Variants in CLYBL observed in about 807,000 individuals in gnomAD.
CLYBL encodes citramalyl-CoA lyase, mitochondrial.
CLYBL carries 31 observed loss-of-function variants against 38.9 expected under a neutral mutation model. The ratio of observed to expected loss-of-function variants is 0.80; its 90% CI spans 0.60 to 1.08. CLYBL has a LOEUF of 1.08. Ranked by LOEUF, CLYBL falls within the 50% of genes least tolerant of loss-of-function variation. The probability of loss-of-function intolerance (pLI) is 0.00; values close to 1 mark genes in which losing one functional copy is unlikely to be tolerated. For synonymous variants in CLYBL, 171 were observed against 158.6 expected (o/e 1.08, Z -0.59); for missense variants, 434 against 411.6 (o/e 1.05, Z -0.47).
intron 2 of CLYBL, among the ~76,000 whole-genome samples, chr13:99,838,102 A>T (rs1002090916): frequency 2.6e-5 from 4 of 152,188 alleles, no homozygotes; most frequent in African/African-American, 9.7e-5. Flanking sequence ...AAGTAATTAT[A>T]TATTAGATGT....
chr13:99,880,068 A>ATATATATTTT (rs34063235), intron 7 of CLYBL, among the ~76,000 whole-genome samples: 9 of 101,210 alleles, frequency 8.9e-5, no homozygotes, highest in East Asian at 2.7e-4. Context: ...ATATATATAT[A>ATATATATTTT]TTTTTTTTTT....
At chr13:99,863,182 TG>T in intron 4 of CLYBL, 90 bp downstream of exon 4, 2 of 634,950 alleles carry the variant, frequency 3.1e-6, no homozygotes, top group Non-Finnish European at 5.2e-6. Flanking sequence ...CTTCTTAAAA[TG>T]TGTTTCTAGA....
intron 1 of CLYBL, 29 bp downstream of exon 1, chr13:99,606,786 C>G: frequency 7.3e-7 from 1 of 1,372,540 alleles, no homozygotes; most frequent in Non-Finnish European, 9.4e-7. Context: ...TCCCCGCCTT[C>G]CCGGCCCGGC....
intron 2 of CLYBL, among the ~76,000 whole-genome samples, chr13:99,848,820 T>A (rs1032303331): frequency 3.9e-5 from 6 of 152,206 alleles, no homozygotes; most frequent in Non-Finnish European, 8.8e-5. Context: ...CACAGACAAA[T>A]CTGAGCATGG....
intron 1 of CLYBL, among the ~76,000 whole-genome samples, chr13:99,741,640 C>T (rs1040334652): frequency 3.3e-5 from 5 of 152,188 alleles, no homozygotes; most frequent in Non-Finnish European, 2.9e-5. Flanking sequence ...CACTCTAGTC[C>T]GCGTTCAAGT....
chr13:99,719,176 G>T (rs2048360241), intron 1 of CLYBL, among the ~76,000 whole-genome samples: 1 of 142,246 alleles, frequency 7.0e-6, no homozygotes, highest in Non-Finnish European at 1.5e-5. Context: ...TTTTAAGACA[G>T]GGTCTCTCTC....
chr13:99,717,093 C>G (rs1050328753), intron 1 of CLYBL, among the ~76,000 whole-genome samples: 3 of 151,932 alleles, frequency 2.0e-5, no homozygotes, highest in African/African-American at 7.2e-5. Flanking sequence ...GCCCAGCCCC[C>G]CTCTTTAATT....
chr13:99,660,176 C>A (rs1305959106), intron 1 of CLYBL, among the ~76,000 whole-genome samples: 3 of 152,226 alleles, frequency 2.0e-5, no homozygotes, highest in Middle Eastern at 6.8e-3. Context: ...CATCTGAGAA[C>A]AAATTTATGA....
At position 99,849,183 on chromosome 13, in the gene CLYBL, T is replaced by C. The variant is rs965655597; in HGVS notation, c.250-9678T>C. On this transcript the variant is annotated intron_variant, in intron 2 of 8. Transcript: ENST00000339105. The surrounding 1 kb of genome is among the most constrained non-coding windows in gnomAD (Gnocchi z 4.9). The stretch of plus-strand genomic sequence containing the variant: ...AAAAACACTATTGAGAAAGACAGTG[T>C]AAGCTTGTGGTACGTAAATACTCTG... 1.3e-5 allele frequency among the ~76,000 whole-genome samples: 2 copies of C among 151,574 alleles called. No individual in the cohort carries two copies. Among genetic ancestry groups the C allele is most frequent in the African/African-American group, 4.9e-5 (2 of 41,174 alleles).
At chr13:99,689,608 A>G (rs2047870165) in intron 1 of CLYBL, among the ~76,000 whole-genome samples, 1 of 152,228 alleles carries the variant, frequency 6.6e-6, no homozygotes, top group Non-Finnish European at 1.5e-5. Flanking sequence ...ACTGTATTCA[A>G]TTGTTTCAAC....
intron 1 of CLYBL, among the ~76,000 whole-genome samples, chr13:99,715,664 C>G (rs533280437): frequency 6.6e-6 from 1 of 152,186 alleles, no homozygotes; most frequent in Non-Finnish European, 1.5e-5. Context: ...CCGGCCTGTA[C>G]GGATTTTCAA....
At chr13:99,631,847 C>T (rs375651398) in intron 1 of CLYBL, among the ~76,000 whole-genome samples, 5 of 152,238 alleles carry the variant, frequency 3.3e-5, no homozygotes, top group Admixed American at 6.5e-5. Flanking sequence ...GTGATCCACC[C>T]GCCTCAGCCT....
intron 1 of CLYBL, among the ~76,000 whole-genome samples, chr13:99,621,640 G>A (rs541298214): frequency 6.6e-6 from 1 of 152,152 alleles, no homozygotes; most frequent in Non-Finnish European, 1.5e-5. Flanking sequence ...CGCAAACATG[G>A]TGGTTTAAAT....
chr13:99,768,494 CTTTTTTTTTTTTTTTTTTT>C (rs779750350), intron 1 of CLYBL, among the ~76,000 whole-genome samples: 3 of 84,892 alleles, frequency 3.5e-5, no homozygotes, highest in East Asian at 6.5e-4. Context: ...CGCCCGACCT[CTTTTTTTTTTTTTTTTTTT>C]TTTTTTTTTT....
chr13:99,845,415 C>T (rs1162268469), intron 2 of CLYBL, among the ~76,000 whole-genome samples: 2 of 151,984 alleles, frequency 1.3e-5, no homozygotes, highest in African/African-American at 2.4e-5. Context: ...ATTCACCGGG[C>T]GCAAAAAGAG....
chr13:99,857,012 C>G (rs2051474604), intron 2 of CLYBL, among the ~76,000 whole-genome samples: 1 of 151,788 alleles, frequency 6.6e-6, no homozygotes, highest in Non-Finnish European at 1.5e-5. Flanking sequence ...TGCTCTTCAC[C>G]TTTAAGATTT....
rs527633294 is a variant in CLYBL at position 99,805,367 on chromosome 13, A to G, written c.249+32357A>G. Among the ~76,000 whole-genome samples the G allele has an allele frequency of 6.2e-4, 94 of 152,250 alleles. No homozygotes were observed. In the South Asian group the frequency reaches 0.018, roughly 30 times the overall value. On this transcript the variant is annotated intron_variant, in intron 2 of 8. Coordinates refer to ENST00000339105, the MANE Select transcript of CLYBL (RefSeq NM_206808.5). ...TTAATAGCATATACTTTAAAAACCT[A>G]TATGTTAACCAAGGAGAAGAAAACA...
intron 4 of CLYBL, among the ~76,000 whole-genome samples, chr13:99,864,189 G>A (rs1241483608): frequency 6.9e-6 from 1 of 143,996 alleles, no homozygotes; most frequent in Non-Finnish European, 1.6e-5. Context: ...TGTCCCCACC[G>A]GTTCCTCGTT....
chr13:99,807,506 G>T lies in CLYBL; in HGVS notation c.249+34496G>T, dbSNP rs1368791047. On this transcript the variant is annotated intron_variant, in intron 2 of 8. Transcript: ENST00000339105. ...TGTTTTTAAAAAGGAAAGATCTTCT[G>T]ATACATGCTACAACATGGATGAACC... 3.9e-5 allele frequency among the ~76,000 whole-genome samples: 6 copies of T among 152,216 alleles called. No individual in the cohort carries two copies. In the East Asian group the frequency reaches 1.2e-3, roughly 29 times the overall value.
Sources: gnomAD v4.1 joint callset for allele counts (sites outside exome capture counted in the v4.1 genomes callset) on GRCh38, gnomAD v4.1.1 for gene constraint, Gnocchi (gnomAD v3.1) non-coding constraint, MANE v1.5 for transcripts, NCBI Gene and HGNC (gene_info 2026-07-23, HGNC 2026-07-21) for gene names.